The following ZNFX1 variants were observed in gnomAD, a reference collection of about 807,000 sequenced individuals.
ZNFX1 encodes the protein zinc finger NFX1-type containing 1.
In ZNFX1, 78 loss-of-function variants were observed where a neutral mutation model predicts 179.8. That is an observed-to-expected ratio of 0.43 (90% CI 0.36 to 0.52). The LOEUF is 0.52. Among genes scored for constraint, ZNFX1 ranks in the 20% least tolerant of loss-of-function variants. ZNFX1 has a pLI of 0.00. For missense variants in ZNFX1, 1,927 were observed against 2,386.6 expected (o/e 0.81, Z 4.01); for synonymous variants, 848 against 868.5 (o/e 0.98, Z 0.42).
chr20:49,257,489 A>T lies in ZNFX1; in HGVS notation c.2592T>A (p.Leu864=). Residue 864 remains leucine (L), a synonymous_variant, in exon 8 of 14, where the codon CTT becomes CTA. Coordinates refer to ENST00000396105, the MANE Select transcript of ZNFX1 (RefSeq NM_021035.3). The part of the protein sequence containing the change: ...SGADQELAKM[L]LAMRLDHCGT... Reference sequence around the variant, plus strand: ...CACAATGGTCTAGCCTCATGGCCAGAAGCATTTTAGCCAACTCCTGGTCTG... The same window carrying T: ...CACAATGGTCTAGCCTCATGGCCAGTAGCATTTTAGCCAACTCCTGGTCTG... The T allele has an allele frequency of 6.2e-7, 1 of 1,613,970 alleles. No homozygotes were observed. Among genetic ancestry groups the T allele is most frequent in the Non-Finnish European group, 8.5e-7 (1 of 1,179,984 alleles).
chr20:49,255,886 T>C lies in ZNFX1; in HGVS notation c.2726A>G (p.Asn909Ser). The change falls in exon 9 of 14, where the codon AAC (asparagine) becomes AGC (serine). Residue 909 changes from asparagine to serine, a missense_variant. By Grantham distance (46) the Asn-to-Ser change is conservative. Transcript: ENST00000396105. ...KRVKDELRKL[N>S]TMTAAEANEI... ...GTTGGCCTCGGCTGCAGTCATGGTGTTCAGTTTGCGAAGCTCATCCTTCAC... is the reference window on the plus strand; with the variant it reads ...GTTGGCCTCGGCTGCAGTCATGGTGCTCAGTTTGCGAAGCTCATCCTTCAC... The C allele has an allele frequency of 6.2e-7, 1 of 1,614,134 alleles. No individual in the cohort carries two copies. Among genetic ancestry groups the C allele is most frequent in the Non-Finnish European group, 8.5e-7 (1 of 1,180,020 alleles).
intron 5 of ZNFX1, 94 bp downstream of exon 5, chr20:49,264,622 C>A (rs1332748040): frequency 6.6e-7 from 1 of 1,509,298 alleles, no homozygotes; most frequent in Non-Finnish European, 9.0e-7. Context: ...TGAGGAGCCT[C>A]CAAATCTACC....
intron 12 of ZNFX1, among the ~76,000 whole-genome samples, chr20:49,251,895 T>C (rs1301417217): frequency 6.6e-6 from 1 of 150,738 alleles, no homozygotes; most frequent in African/African-American, 2.4e-5. Flanking sequence ...AGTGGCGCAA[T>C]CTCAGCTCAT....
chr20:49,253,829 G>A lies in ZNFX1; in HGVS notation c.2960-18C>T. 2 of 1,613,462 alleles carry A rather than the reference G, an allele frequency of 1.2e-6. No individual in the cohort carries two copies. Among genetic ancestry groups the A allele is most frequent in the Non-Finnish European group, 1.7e-6 (2 of 1,179,936 alleles). On this transcript the variant is annotated intron_variant, in intron 10 of 13. Coordinates refer to ENST00000396105, the MANE Select transcript of ZNFX1 (RefSeq NM_021035.3). ...GGCAGCACCTCAAGTGAGGAAAGAA[G>A]AGAAAGGCTCCTCTGAGCTGAGGCA...
At chr20:49,268,247 A>G (rs1350245822) in intron 3 of ZNFX1, among the ~76,000 whole-genome samples, 1 of 152,176 alleles carries the variant, frequency 6.6e-6, no homozygotes, top group Non-Finnish European at 1.5e-5. Context: ...AGGTATGTAA[A>G]GTAAGTAAAA....
Position 49,254,507 on chromosome 20 carries a change from T to A in ZNFX1, c.2947A>T (p.Met983Leu), listed in dbSNP as rs1405935408. The stretch of plus-strand genomic sequence containing the variant: ...CACAGTTTCTTACCTGTGGTTGTCA[T>A]TCCTACAACCTGGGCATCTTTAAGA... ...HILKDAQVVGMTTTGAAKYRQ... is the reference protein window; with the variant it reads ...HILKDAQVVGLTTTGAAKYRQ... The change falls in exon 10 of 14, where the codon ATG becomes TTG. Residue 983 changes from methionine to leucine, a missense_variant. Met to Leu is a conservative substitution (Grantham distance 15). Transcript: ENST00000396105. 2 of 1,614,132 alleles carry A rather than the reference T, an allele frequency of 1.2e-6. No individual in the cohort carries two copies. The highest frequency in any genetic ancestry group is 1.7e-6 in the Non-Finnish European group (2 of 1,179,986).
intron 5 of ZNFX1, 54 bp downstream of exon 5, chr20:49,264,662 A>T: frequency 4.4e-6 from 7 of 1,595,324 alleles, no homozygotes; most frequent in Non-Finnish European, 6.0e-6. Context: ...AGCCACTGCT[A>T]TCTTGTTTAG....
chr20:49,266,909 T>A (rs1254051325), intron 3 of ZNFX1, among the ~76,000 whole-genome samples: 3 of 152,174 alleles, frequency 2.0e-5, no homozygotes, highest in African/African-American at 7.2e-5. Context: ...TCTCTCTTTT[T>A]GTTTGAGATG....
At chr20:49,275,179 T>C (rs558041816) in intron 2 of ZNFX1, among the ~76,000 whole-genome samples, 9 of 152,280 alleles carry the variant, frequency 5.9e-5, no homozygotes, top group African/African-American at 2.2e-4. Context: ...ACATTGTTTC[T>C]ATTGGATGCT....
intron 3 of ZNFX1, among the ~76,000 whole-genome samples, chr20:49,267,270 T>C (rs1304974804): frequency 6.6e-6 from 1 of 151,888 alleles, no homozygotes; most frequent in Admixed American, 6.6e-5. Context: ...AGGGAGGGAG[T>C]GATATAAGAT....
chr20:49,253,555 CAAG>C, intron 11 of ZNFX1, 108 bp downstream of exon 11: 1 of 1,335,842 alleles, frequency 7.5e-7, no homozygotes, highest in South Asian at 1.4e-5. Flanking sequence ...AGAGGAATCA[CAAG>C]AAGCTACTAA....
In ZNFX1 at chr20:49,248,157, G is replaced by A. The variant is rs768962486; in HGVS notation, c.4867C>T (p.Gln1623Ter). 2 of 1,614,186 alleles carry A rather than the reference G, an allele frequency of 1.2e-6. No individual in the cohort carries two copies. The highest frequency in any genetic ancestry group is 1.7e-6 in the Non-Finnish European group (2 of 1,180,044). The change falls in exon 14 of 14, where the codon CAG (glutamine) becomes TAG (stop). Residue 1623 changes from glutamine to a stop codon, truncating the protein, a stop_gained. Transcript: ENST00000396105. LOFTEE classifies it high-confidence loss of function. This position sits in a 1 kb window ranked among gnomAD's most constrained non-coding sequence, Gnocchi z 4.6. Reference sequence around the variant, plus strand: ...CTCAGGTTTTTGCGGATGGGCACCTGGCAGATAGGGCAGACTTTCAATCTG... The same window carrying A: ...CTCAGGTTTTTGCGGATGGGCACCTAGCAGATAGGGCAGACTTTCAATCTG... ...AIRLKVCPIC[Q>*]VPIRKNLRYG...
At position 49,249,643 on chromosome 20, in the gene ZNFX1, G is replaced by A. The variant is rs1980788461; in HGVS notation, c.3381C>T (p.Ser1127=). 1 of 1,614,176 alleles carries A rather than the reference G, an allele frequency of 6.2e-7. No individual in the cohort carries two copies. Among genetic ancestry groups the A allele is most frequent in the East Asian group, 2.2e-5 (1 of 44,878 alleles). The stretch of plus-strand genomic sequence containing the variant: ...AGTGAGCCTCATGCTGGTTCTGATG[G>A]CTTTTGCCCTCTTGGATTTCCTGTT... The part of the protein sequence containing the change: ...FPEQEIQEGK[S]HQNQHEAHFV... Residue 1127 remains serine, a synonymous_variant, in exon 14 of 14, where the codon AGC becomes AGT. Transcript: ENST00000396105.
chr20:49,251,019 T>G (rs1467819311), intron 13 of ZNFX1, among the ~76,000 whole-genome samples: 2 of 152,192 alleles, frequency 1.3e-5, no homozygotes, highest in Non-Finnish European at 2.9e-5. Context: ...AGAATTCTTA[T>G]ATAACTTGCT....
intron 4 of ZNFX1, among the ~76,000 whole-genome samples, chr20:49,265,431 G>A (rs894872269): frequency 2.6e-5 from 4 of 152,022 alleles, no homozygotes; most frequent in Admixed American, 2.0e-4. Context: ...TAATTAATAC[G>A]GCAGCAATAA....
In ZNFX1 at chr20:49,252,431, C is replaced by T. The variant is rs376671260; in HGVS notation, c.3216+289G>A. Among the ~76,000 whole-genome samples the T allele has an allele frequency of 3.0e-4, 45 of 151,594 alleles. 1 individual carries two copies. In the South Asian group the frequency reaches 5.6e-3, roughly 19 times the overall value. ...TGCTGGGATTGCAGGTGTGAGCCACCGCACCTGGCCTCTATTTTTCTTAAA... is the reference window on the plus strand; with the variant it reads ...TGCTGGGATTGCAGGTGTGAGCCACTGCACCTGGCCTCTATTTTTCTTAAA... On this transcript the variant is annotated intron_variant, in intron 12 of 13. Coordinates refer to ENST00000396105, the MANE Select transcript of ZNFX1 (RefSeq NM_021035.3).
rs3021 is a variant in ZNFX1 at position 49,257,468 on chromosome 20, A to G, written c.2613T>C (p.His871=). 323,597 of 1,613,772 alleles carry G rather than the reference A, an allele frequency of 0.2. 33,913 individuals are homozygous for G. Among genetic ancestry groups the G allele is most frequent in the Non-Finnish European group, 0.22 (258,051 of 1,179,948 alleles). The change falls in exon 8 of 14, where the codon CAT becomes CAC. Residue 871 remains histidine, a synonymous_variant. Transcript: ENST00000396105. ...AKMLLAMRLD[H]CGTGTAAGQE... is the part of the protein sequence containing the mutation. Reference sequence around the variant, plus strand: ...GTCCAGCTGCTGTCCCAGTGCCACAATGGTCTAGCCTCATGGCCAGAAGCA... The same window carrying G: ...GTCCAGCTGCTGTCCCAGTGCCACAGTGGTCTAGCCTCATGGCCAGAAGCA...
rs772268216 is a variant in ZNFX1, at chr20:49,249,310, G to A, written c.3714C>T (p.Ala1238=). The change falls in exon 14 of 14, where the codon GCC becomes GCT. Residue 1238 remains alanine, a synonymous_variant. Coordinates refer to ENST00000396105, the MANE Select transcript of ZNFX1 (RefSeq NM_021035.3). ...MYCIGNMQML[A]KVPLWSKIIH... ...TGATCTTGCTCCACAGGGGCACCTT[G>A]GCCAGCATCTGCATGTTTCCGATGC... 1.2e-6 allele frequency: 2 copies of A among 1,614,252 alleles called. No individual in the cohort carries two copies. The highest frequency in any genetic ancestry group is 1.7e-6 in the Non-Finnish European group (2 of 1,180,042).
chr20:49,264,472 A>G (rs966508196), intron 5 of ZNFX1, among the ~76,000 whole-genome samples: 4 of 152,052 alleles, frequency 2.6e-5, no homozygotes, highest in African/African-American at 7.2e-5. Flanking sequence ...TGTGGGTGGT[A>G]TGGGGGAAGG....
Sources: gnomAD v4.1 joint callset for allele counts (sites outside exome capture counted in the v4.1 genomes callset) on GRCh38, gnomAD v4.1.1 for gene constraint, Gnocchi (gnomAD v3.1) non-coding constraint, MANE v1.5 for transcripts, NCBI Gene and HGNC (gene_info 2026-07-23, HGNC 2026-07-21) for gene names.